Variants in SLC35F1 observed in about 807,000 individuals in gnomAD.
SLC35F1 encodes the protein chromosome 6 open reading frame 169.
Under a neutral mutation model 48.7 loss-of-function variants are expected in SLC35F1, and 14 were observed. The ratio of observed to expected loss-of-function variants is 0.29; its 90% CI spans 0.19 to 0.45. The LOEUF (loss-of-function observed/expected upper bound fraction) is 0.45, where lower values mean the gene tolerates loss of function less well. Among genes scored for constraint, SLC35F1 ranks in the 20% least tolerant of loss-of-function variants. The pLI is 1.00. For synonymous variants in SLC35F1, 190 were observed against 202.2 expected, an observed-to-expected ratio of 0.94 and a Z score of 0.51; for missense variants, 404 against 500.0, an observed-to-expected ratio of 0.81 and a Z score of 1.83.
intron 1 of SLC35F1, among the ~76,000 whole-genome samples, chr6:117,967,487 C>G (rs1776585674): frequency 6.6e-6 from 1 of 152,174 alleles, no homozygotes; most frequent in South Asian, 2.1e-4. Context: ...TCCTCATCCT[C>G]TTATGGTTTA....
chr6:118,128,970 A>G (rs1254719025), intron 1 of SLC35F1, among the ~76,000 whole-genome samples: 1 of 152,124 alleles, frequency 6.6e-6, no homozygotes, highest in East Asian at 1.9e-4. Flanking sequence ...TACTCAACAC[A>G]TTTGTTACTC....
At chr6:118,184,103 A>G (rs537089271) in intron 2 of SLC35F1, among the ~76,000 whole-genome samples, 143 of 152,160 alleles carry the variant, frequency 9.4e-4, no homozygotes, top group Middle Eastern at 3.4e-3. Context: ...ATTTCTGCCT[A>G]TTTTCTAGGA....
At chr6:118,116,683 T>C (rs1467735759) in intron 1 of SLC35F1, among the ~76,000 whole-genome samples, 1 of 152,200 alleles carries the variant, frequency 6.6e-6, no homozygotes, top group Non-Finnish European at 1.5e-5. Flanking sequence ...CTTGTGATGC[T>C]CATCACTTTA....
chr6:117,971,867 C>T (rs551347872), intron 1 of SLC35F1, among the ~76,000 whole-genome samples: 100 of 152,300 alleles, frequency 6.6e-4, no homozygotes, highest in African/African-American at 2.3e-3. Flanking sequence ...TCCTAGGCCT[C>T]CAGGCCTGTG....
rs375071610 is a variant in SLC35F1 at position 118,225,292 on chromosome 6, C to T, written c.350-10217C>T. 2.0e-5 allele frequency among the ~76,000 whole-genome samples: 3 copies of T among 152,038 alleles called. No homozygotes were observed. In the East Asian group the frequency reaches 5.8e-4, roughly 29 times the overall value. ...AGCATGGTACTGGCATAAAAATAGA[C>T]ATATAGATGAATGGAATAGAATAAA... On this transcript the variant is annotated intron_variant, in intron 2 of 7. Transcript: ENST00000360388.
chr6:118,138,517 C>A (rs891998513), intron 1 of SLC35F1, among the ~76,000 whole-genome samples: 1 of 152,132 alleles, frequency 6.6e-6, no homozygotes, highest in African/African-American at 2.4e-5. Context: ...TTCCAAGGCA[C>A]TATATCAGCA....
chr6:118,293,139 A>G (rs1289440558), intron 7 of SLC35F1, among the ~76,000 whole-genome samples: 1 of 152,192 alleles, frequency 6.6e-6, no homozygotes, highest in Non-Finnish European at 1.5e-5. Flanking sequence ...CAAACAAGAC[A>G]CTGTTGAAAT....
intron 1 of SLC35F1, among the ~76,000 whole-genome samples, chr6:118,104,390 A>G (rs149962683): frequency 0.012 from 1,812 of 152,324 alleles, 32 homozygotes; most frequent in African/African-American, 0.04. Context: ...TGCAATGTCC[A>G]TGAAATGCAA....
At chr6:118,003,524 T>C (rs1777133936) in intron 1 of SLC35F1, among the ~76,000 whole-genome samples, 1 of 152,172 alleles carries the variant, frequency 6.6e-6, no homozygotes, top group South Asian at 2.1e-4. Context: ...TAATGTGCCC[T>C]TTGAGGGGCA....
At chr6:118,073,099 T>G (rs928762820) in intron 1 of SLC35F1, among the ~76,000 whole-genome samples, 1 of 152,230 alleles carries the variant, frequency 6.6e-6, no homozygotes, top group Non-Finnish European at 1.5e-5. Flanking sequence ...TACATTGTAA[T>G]TCCTTTCCTA....
At chr6:118,233,464 A>T (rs1775322360) in intron 2 of SLC35F1, among the ~76,000 whole-genome samples, 1 of 152,226 alleles carries the variant, frequency 6.6e-6, no homozygotes, top group East Asian at 1.9e-4. Context: ...CAGCCTTCTC[A>T]TGTGCAAAAC....
chr6:118,291,903 A>C (rs2114649251), intron 7 of SLC35F1, among the ~76,000 whole-genome samples: 1 of 152,298 alleles, frequency 6.6e-6, no homozygotes, highest in South Asian at 2.1e-4. Context: ...GGATCACCTA[A>C]GGTCAGGAGT....
intron 1 of SLC35F1, among the ~76,000 whole-genome samples, chr6:118,048,272 G>T (rs1023596198): frequency 5.3e-5 from 8 of 152,094 alleles, no homozygotes; most frequent in Non-Finnish European, 8.8e-5. Flanking sequence ...TGTGCTGCTG[G>T]ATTCGGTTTG....
intron 2 of SLC35F1, among the ~76,000 whole-genome samples, chr6:118,193,574 C>T (rs1450153516): frequency 1.3e-5 from 2 of 152,130 alleles, no homozygotes; most frequent in Non-Finnish European, 2.9e-5. Flanking sequence ...TCTAAAAATA[C>T]ATTTTACTTT....
chr6:118,168,445 T>C (rs1364681835), intron 2 of SLC35F1, among the ~76,000 whole-genome samples: 1 of 152,076 alleles, frequency 6.6e-6, no homozygotes, highest in African/African-American at 2.4e-5. Context: ...AAAAATAACA[T>C]AATAAAATAG....
intron 7 of SLC35F1, among the ~76,000 whole-genome samples, chr6:118,298,101 C>T (rs1776214167): frequency 6.6e-6 from 1 of 152,084 alleles, no homozygotes; most frequent in African/African-American, 2.4e-5. Context: ...CTGAGGCCCC[C>T]ACCAGAAGCA....
chr6:118,038,614 A>G (rs942790770), intron 1 of SLC35F1, among the ~76,000 whole-genome samples: 58 of 151,592 alleles, frequency 3.8e-4, no homozygotes, highest in African/African-American at 1.4e-3. Context: ...TTACTTCTAA[A>G]TATTTTATTA....
chr6:118,049,299 C>T (rs1190804286), intron 1 of SLC35F1, among the ~76,000 whole-genome samples: 1 of 152,134 alleles, frequency 6.6e-6, no homozygotes, highest in African/African-American at 2.4e-5. Context: ...AGGACATAGG[C>T]ATGGGCAAGG....
intron 4 of SLC35F1, among the ~76,000 whole-genome samples, chr6:118,273,881 C>T (rs1775888183): frequency 6.6e-6 from 1 of 152,214 alleles, no homozygotes; most frequent in Non-Finnish European, 1.5e-5. Flanking sequence ...TTCAGGATCT[C>T]TTCCCCTCTA....
Sources: gnomAD v4.1 joint callset for allele counts (sites outside exome capture counted in the v4.1 genomes callset) on GRCh38, gnomAD v4.1.1 for gene constraint, MANE v1.5 for transcripts, NCBI Gene and HGNC (gene_info 2026-07-23, HGNC 2026-07-21) for gene names.